SH3RF2: variants seen among roughly 807,000 people sequenced by gnomAD.
The protein encoded by SH3RF2 is E3 ubiquitin-protein ligase SH3RF2.
A neutral mutation model predicts 59.0 loss-of-function variants in SH3RF2; 43 were observed. The observed-to-expected ratio is 0.73, with a 90% confidence interval of 0.57 to 0.94. SH3RF2 has a LOEUF of 0.94. Ranked by LOEUF, SH3RF2 falls within the 40% of genes least tolerant of loss-of-function variation. The probability of loss-of-function intolerance (pLI) is 0.00; values close to 1 mark genes in which losing one functional copy is unlikely to be tolerated. For synonymous variants in SH3RF2, 391 were observed against 391.5 expected (o/e 1.00, Z 0.01); for missense variants, 930 against 940.1 (o/e 0.99, Z 0.14).
At chr5:145,958,644 G>C (rs1013942803) in intron 2 of SH3RF2, among the ~76,000 whole-genome samples, 26 of 152,280 alleles carry the variant, frequency 1.7e-4, no homozygotes, top group African/African-American at 6.3e-4. Context: ...TGCAGCGTAG[G>C]CCTAACGAGA....
At chr5:145,958,488 GGGTATTACAGCAAA>G (rs1350963017) in intron 2 of SH3RF2, among the ~76,000 whole-genome samples, 1 of 152,152 alleles carries the variant, frequency 6.6e-6, no homozygotes, top group Non-Finnish European at 1.5e-5. Flanking sequence ...GATCTGGATT[GGGTATTACAGCAAA>G]GGCACTCCTA....
intron 2 of SH3RF2, among the ~76,000 whole-genome samples, chr5:145,949,926 A>G (rs923968200): frequency 1.3e-5 from 2 of 152,210 alleles, no homozygotes; most frequent in Non-Finnish European, 2.9e-5. Context: ...TTTGTAGCTG[A>G]GATATTCCTG....
At chr5:146,004,209 C>A in intron 4 of SH3RF2, 56 bp downstream of exon 4, 1 of 1,406,922 alleles carries the variant, frequency 7.1e-7, no homozygotes, top group Non-Finnish European at 1.0e-6. Flanking sequence ...TATTCATGTG[C>A]TACAGTGATG....
chr5:146,020,640 T>G (rs545087139), intron 5 of SH3RF2, among the ~76,000 whole-genome samples: 20 of 152,304 alleles, frequency 1.3e-4, no homozygotes, highest in African/African-American at 4.6e-4. Flanking sequence ...TTAGAACATA[T>G]AACACCCTCT....
intron 5 of SH3RF2, among the ~76,000 whole-genome samples, chr5:146,043,423 A>T (rs1762192650): frequency 6.6e-6 from 1 of 151,704 alleles, no homozygotes; most frequent in Non-Finnish European, 1.5e-5. Flanking sequence ...GGCCTCTTGG[A>T]TGTTTCCTGT....
intron 2 of SH3RF2, among the ~76,000 whole-genome samples, chr5:145,973,541 G>A (rs1319372896): frequency 6.6e-6 from 1 of 152,202 alleles, no homozygotes; most frequent in African/African-American, 2.4e-5. Flanking sequence ...AGGATGAGAA[G>A]TCATTGAATT....
intron 7 of SH3RF2, among the ~76,000 whole-genome samples, chr5:146,052,605 C>G (rs1016274896): frequency 2.0e-5 from 3 of 152,110 alleles, no homozygotes; most frequent in African/African-American, 7.2e-5. Flanking sequence ...TCTTAGGTGG[C>G]AGAGGATCAA....
intron 5 of SH3RF2, among the ~76,000 whole-genome samples, chr5:146,044,149 G>A (rs199718019): frequency 9.8e-5 from 6 of 61,210 alleles, no homozygotes; most frequent in Admixed American, 3.4e-4. Context: ...GTTTTTTTTT[G>A]TTTTTTTTTT....
intron 2 of SH3RF2, among the ~76,000 whole-genome samples, chr5:145,994,711 G>A (rs1386234950): frequency 1.3e-5 from 2 of 152,154 alleles, no homozygotes; most frequent in African/African-American, 2.4e-5. Context: ...GGGAATTCAA[G>A]TTGAGATTTG....
intron 5 of SH3RF2, among the ~76,000 whole-genome samples, chr5:146,047,259 T>G (rs1343561155): frequency 6.6e-6 from 1 of 152,104 alleles, no homozygotes; most frequent in Admixed American, 6.5e-5. Flanking sequence ...TCATACTAAT[T>G]GTGTGACCTT....
intron 2 of SH3RF2, among the ~76,000 whole-genome samples, chr5:145,954,660 TG>T (rs1284800457): frequency 6.6e-6 from 1 of 152,210 alleles, no homozygotes; most frequent in Non-Finnish European, 1.5e-5. Context: ...TTACCTAGGT[TG>T]TCTTCCAGGA....
chr5:145,952,404 GA>G (rs201045540), intron 2 of SH3RF2, among the ~76,000 whole-genome samples: 3 of 150,078 alleles, frequency 2.0e-5, no homozygotes, highest in Non-Finnish European at 3.0e-5. Context: ...CAGCACTATA[GA>G]AAAAAAAACA....
rs151331788 is a variant in SH3RF2 at position 145,980,167 on chromosome 5, C to A, written c.379-19891C>A. On this transcript the variant is annotated intron_variant, in intron 2 of 9. Transcript: ENST00000359120. ...TCTTCTAGGAGAAAGGCCAGGGTAC[C>A]TGATGGGAGGACCAGCTGTTGATTA... 5.1e-4 allele frequency among the ~76,000 whole-genome samples: 77 copies of A among 152,286 alleles called. 1 individual carries two copies. Among genetic ancestry groups the A allele is most frequent in the African/African-American group, 1.7e-3 (71 of 41,552 alleles).
At chr5:145,958,855 C>T (rs1758516937) in intron 2 of SH3RF2, among the ~76,000 whole-genome samples, 1 of 152,188 alleles carries the variant, frequency 6.6e-6, no homozygotes, top group Admixed American at 6.5e-5. Context: ...ATTGGAAACA[C>T]GAACACATCC....
At chr5:145,970,037 T>C (rs564532314) in intron 2 of SH3RF2, among the ~76,000 whole-genome samples, 1 of 152,314 alleles carries the variant, frequency 6.6e-6, no homozygotes, top group East Asian at 1.9e-4. Flanking sequence ...TGCCTAATAA[T>C]GATGATGGCT....
chr5:145,998,168 A>G (rs997494199), intron 2 of SH3RF2, among the ~76,000 whole-genome samples: 10 of 152,216 alleles, frequency 6.6e-5, no homozygotes, highest in Admixed American at 3.9e-4. Flanking sequence ...GATAAATTGC[A>G]TAAGTGGTTA....
intron 2 of SH3RF2, among the ~76,000 whole-genome samples, chr5:145,993,888 G>A (rs1353086521): frequency 6.6e-6 from 1 of 152,224 alleles, no homozygotes; most frequent in African/African-American, 2.4e-5. Flanking sequence ...CCTGCAGCGG[G>A]CTTCAATTTC....
chr5:145,961,921 C>T (rs1326302353), intron 2 of SH3RF2, among the ~76,000 whole-genome samples: 2 of 152,160 alleles, frequency 1.3e-5, no homozygotes, highest in Non-Finnish European at 2.9e-5. Context: ...TCCATGGGCT[C>T]ACAGTCACCT....
At chr5:145,959,914 C>G (rs971761475) in intron 2 of SH3RF2, among the ~76,000 whole-genome samples, 2 of 152,070 alleles carry the variant, frequency 1.3e-5, no homozygotes, top group African/African-American at 4.8e-5. Flanking sequence ...CTCTTTGGGT[C>G]ACTAACTCCC....
Sources: allele counts gnomAD v4.1 joint callset (sites outside exome capture counted in the v4.1 genomes callset), GRCh38; gene constraint gnomAD v4.1.1; transcripts MANE v1.5; gene names NCBI Gene and HGNC (gene_info 2026-07-23, HGNC 2026-07-21).